MYO16: variants seen among roughly 807,000 people sequenced by gnomAD.
The protein encoded by MYO16 is unconventional myosin-XVI.
MYO16 carries 94 observed loss-of-function variants against 205.3 expected under a neutral mutation model. The ratio of observed to expected loss-of-function variants is 0.46; its 90% CI spans 0.39 to 0.54. The LOEUF is 0.54. Ranked by LOEUF, MYO16 falls within the 20% of genes least tolerant of loss-of-function variation. MYO16 has a pLI of 0.00. For synonymous variants in MYO16, 988 were observed against 954.0 expected (o/e 1.04, Z -0.66); for missense variants, 2,315 against 2,387.5 (o/e 0.97, Z 0.63).
At chr13:108,881,770 A>G (rs900516294) in intron 12 of MYO16, among the ~76,000 whole-genome samples, 1 of 152,206 alleles carries the variant, frequency 6.6e-6, no homozygotes, top group African/African-American at 2.4e-5. Context: ...GAAATGAACA[A>G]AGCCTCCAAG....
At chr13:108,729,558 T>G (rs925529682) in intron 4 of MYO16, among the ~76,000 whole-genome samples, 4 of 152,218 alleles carry the variant, frequency 2.6e-5, no homozygotes, top group African/African-American at 9.6e-5. Context: ...ATTTCTTTTC[T>G]CTGACTAATT....
chr13:108,553,269 G>A, the MYO16 span, among the ~76,000 whole-genome samples: 22 of 151,938 alleles, frequency 1.4e-4, no homozygotes, highest in African/African-American at 4.8e-4. Flanking sequence ...GGGATTACAG[G>A]TGTGAGCCAC....
At chr13:108,501,091 A>G in the MYO16 span, among the ~76,000 whole-genome samples, 1 of 151,866 alleles carries the variant, frequency 6.6e-6, no homozygotes, top group Non-Finnish European at 1.5e-5. Context: ...CAAATACCCC[A>G]CTTCATAGAG....
At chr13:108,832,352 G>A (rs537417734) in intron 9 of MYO16, among the ~76,000 whole-genome samples, 5 of 151,574 alleles carry the variant, frequency 3.3e-5, no homozygotes, top group Non-Finnish European at 5.9e-5. Context: ...ATGTTGGCCA[G>A]GCTGGTCTTG....
intron 12 of MYO16, among the ~76,000 whole-genome samples, chr13:108,876,423 G>A (rs725675): frequency 0.33 from 49,848 of 151,804 alleles, 8,628 homozygotes; most frequent in Non-Finnish European, 0.36. Flanking sequence ...AAAAATAACA[G>A]TATGTTTTAA....
rs532857284 is a variant in MYO16, at chr13:108,757,346, C to T, written c.508-28289C>T. On this transcript the variant is annotated intron_variant, in intron 4 of 34. Coordinates refer to ENST00000457511, the MANE Select transcript of MYO16 (RefSeq NM_001198950.3). The stretch of plus-strand genomic sequence containing the variant: ...TCTACGGAATATTTTATTCCTAATG[C>T]GGGAGAATCATTTATAACAGGAGTC... Among the ~76,000 whole-genome samples, 28 of 152,182 alleles carry T rather than the reference C, an allele frequency of 1.8e-4. No individual in the cohort carries two copies. In the South Asian group the frequency reaches 2.1e-3, roughly 11 times the overall value.
At chr13:108,762,019 T>C (rs1480064904) in intron 4 of MYO16, among the ~76,000 whole-genome samples, 1 of 152,186 alleles carries the variant, frequency 6.6e-6, no homozygotes, top group Admixed American at 6.5e-5. Flanking sequence ...TTTACAAGCC[T>C]CCAATGTCTA....
intron 27 of MYO16, among the ~76,000 whole-genome samples, chr13:109,065,205 T>C (rs1255124712): frequency 6.6e-6 from 1 of 152,158 alleles, no homozygotes; most frequent in Admixed American, 6.5e-5. Flanking sequence ...GCAGCCTTCT[T>C]AAAAGCTAGG....
At chr13:108,564,891 C>T in the MYO16 span, among the ~76,000 whole-genome samples, 1 of 152,156 alleles carries the variant, frequency 6.6e-6, no homozygotes, top group Non-Finnish European at 1.5e-5. Flanking sequence ...TTTCCCAGCA[C>T]CACTTTTGAA....
At chr13:108,864,353 G>A (rs563917236) in intron 11 of MYO16, among the ~76,000 whole-genome samples, 13 of 152,006 alleles carry the variant, frequency 8.6e-5, no homozygotes, top group Non-Finnish European at 1.8e-4. Context: ...AGTCTTATTT[G>A]CATTTTAATT....
chr13:108,580,814 A>C, the MYO16 span, among the ~76,000 whole-genome samples: 1 of 152,202 alleles, frequency 6.6e-6, no homozygotes, highest in African/African-American at 2.4e-5. Flanking sequence ...ATAGTCAGTA[A>C]ATAGAAGTCA....
At chr13:109,083,679 A>G (rs1456203619) in intron 27 of MYO16, among the ~76,000 whole-genome samples, 1 of 152,188 alleles carries the variant, frequency 6.6e-6, no homozygotes, top group Non-Finnish European at 1.5e-5. Flanking sequence ...TACGTTTCCA[A>G]TAATCCTATA....
intron 28 of MYO16, among the ~76,000 whole-genome samples, chr13:109,111,556 G>A (rs1195408381): frequency 6.6e-6 from 1 of 152,064 alleles, no homozygotes; most frequent in Admixed American, 6.6e-5. Context: ...AGAGCAAGAG[G>A]GGTTAACATT....
At chr13:109,000,750 G>T (rs1488848114) in intron 21 of MYO16, among the ~76,000 whole-genome samples, 3 of 151,998 alleles carry the variant, frequency 2.0e-5, no homozygotes. Context: ...TATATTTTAT[G>T]TACAAGGTAT....
chr13:108,497,894 T>C, the MYO16 span, among the ~76,000 whole-genome samples: 2 of 152,170 alleles, frequency 1.3e-5, no homozygotes, highest in African/African-American at 4.8e-5. Flanking sequence ...CCAGTGTTCT[T>C]GAAGGAGACT....
chr13:108,969,410 C>T (rs1488563503), intron 20 of MYO16, among the ~76,000 whole-genome samples: 1 of 152,184 alleles, frequency 6.6e-6, no homozygotes, highest in Admixed American at 6.5e-5. Context: ...TTGGAGAACC[C>T]ATACATAGAT....
chr13:108,885,224 A>G (rs1336980135), intron 13 of MYO16, among the ~76,000 whole-genome samples: 1 of 152,198 alleles, frequency 6.6e-6, no homozygotes, highest in Non-Finnish European at 1.5e-5. Flanking sequence ...GGTTCAAGTG[A>G]TTCTCCTGCT....
intron 10 of MYO16, among the ~76,000 whole-genome samples, chr13:108,852,924 G>A (rs1322043110): frequency 6.6e-6 from 1 of 152,214 alleles, no homozygotes; most frequent in Admixed American, 6.5e-5. Flanking sequence ...TACAACTGGG[G>A]TTTAAACACT....
At chr13:108,936,574 C>A (rs1250868483) in intron 16 of MYO16, among the ~76,000 whole-genome samples, 1 of 152,040 alleles carries the variant, frequency 6.6e-6, no homozygotes, top group Non-Finnish European at 1.5e-5. Flanking sequence ...ATAATGCCTT[C>A]TTTGTCCTTT....
Sources: allele counts gnomAD v4.1 joint callset (sites outside exome capture counted in the v4.1 genomes callset), GRCh38; gene constraint gnomAD v4.1.1; transcripts MANE v1.5; gene names NCBI Gene and HGNC (gene_info 2026-07-23, HGNC 2026-07-21).